LRFN2: variants seen among roughly 807,000 people sequenced by gnomAD.
The protein encoded by LRFN2 is leucine-rich repeat and fibronectin type-III domain-containing protein 2.
A neutral mutation model predicts 37.3 loss-of-function variants in LRFN2; 18 were observed. That is an observed-to-expected ratio of 0.48 (90% CI 0.33 to 0.72). The LOEUF is 0.72. Among genes scored for constraint, LRFN2 ranks in the 30% least tolerant of loss-of-function variants. The probability of loss-of-function intolerance (pLI) is 0.02; values close to 1 mark genes in which losing one functional copy is unlikely to be tolerated. For synonymous variants in LRFN2, 556 were observed against 466.6 expected, an observed-to-expected ratio of 1.19 and a Z score of -2.47; for missense variants, 1,006 against 1,060.7, an observed-to-expected ratio of 0.95 and a Z score of 0.72.
intron 1 of LRFN2, among the ~76,000 whole-genome samples, chr6:40,563,495 G>A (rs1484174868): frequency 6.6e-6 from 1 of 152,182 alleles, no homozygotes; most frequent in Non-Finnish European, 1.5e-5. Context: ...GGGAGCAGTT[G>A]TTTTTAGGGG....
At chr6:40,498,276 A>C (rs1765282287) in intron 1 of LRFN2, among the ~76,000 whole-genome samples, 1 of 152,298 alleles carries the variant, frequency 6.6e-6, no homozygotes, top group South Asian at 2.1e-4. Flanking sequence ...TCTGCCAAAA[A>C]GTCCAGTCTT....
At position 40,581,852 on chromosome 6, in the gene LRFN2, C is replaced by A. The variant is rs150835532; in HGVS notation, c.-19+5089G>T. 1.2e-3 allele frequency among the ~76,000 whole-genome samples: 180 copies of A among 152,216 alleles called. 1 individual carries two copies. The highest frequency in any genetic ancestry group is 4.0e-3 in the African/African-American group (167 of 41,530). ...GGCCACATTTCATATGTTTTGGGGA[C>A]CAGAGAGAGTCATGTAATATCAAGG... On this transcript the variant is annotated intron_variant, in intron 1 of 2. Coordinates refer to ENST00000338305, the MANE Select transcript of LRFN2 (RefSeq NM_020737.3).
At chr6:40,416,326 T>C (rs1393995848) in intron 2 of LRFN2, among the ~76,000 whole-genome samples, 1 of 151,496 alleles carries the variant, frequency 6.6e-6, no homozygotes, top group Non-Finnish European at 1.5e-5. Context: ...TGTAACATTT[T>C]AGCCAGTGGC....
intron 1 of LRFN2, among the ~76,000 whole-genome samples, chr6:40,527,586 AGAAG>A (rs1442636587): frequency 6.6e-6 from 1 of 152,230 alleles, no homozygotes; most frequent in East Asian, 1.9e-4. Context: ...CTGAAATATA[AGAAG>A]GAAGCTAGAT....
chr6:40,510,671 G>A (rs182612983), intron 1 of LRFN2, among the ~76,000 whole-genome samples: 151 of 152,352 alleles, frequency 9.9e-4, no homozygotes, highest in Non-Finnish European at 1.9e-3. Flanking sequence ...ACAGGTCCAT[G>A]ACCAGAATGC....
intron 1 of LRFN2, among the ~76,000 whole-genome samples, chr6:40,583,411 C>T (rs1767442505): frequency 6.6e-6 from 1 of 152,116 alleles, no homozygotes; most frequent in South Asian, 2.1e-4. Flanking sequence ...CTTAACACCC[C>T]TTTTCTCAGA....
At chr6:40,458,436 G>A (rs898528147) in intron 1 of LRFN2, among the ~76,000 whole-genome samples, 6 of 152,198 alleles carry the variant, frequency 3.9e-5, no homozygotes, top group Non-Finnish European at 8.8e-5. Context: ...TCTGAGAACA[G>A]CCATACATGT....
At chr6:40,576,245 A>G (rs78705438) in intron 1 of LRFN2, among the ~76,000 whole-genome samples, 9,114 of 152,282 alleles carry the variant, frequency 0.06, 318 homozygotes, top group African/African-American at 0.065. Context: ...ACAAAGCAGC[A>G]TAAGCCTAAT....
intron 1 of LRFN2, among the ~76,000 whole-genome samples, chr6:40,548,969 C>G (rs1766715935): frequency 6.6e-6 from 1 of 152,168 alleles, no homozygotes; most frequent in Non-Finnish European, 1.5e-5. Flanking sequence ...TTAGATCAAA[C>G]TGGGTTTTTG....
At chr6:40,460,599 T>C (rs1444362981) in intron 1 of LRFN2, among the ~76,000 whole-genome samples, 1 of 152,206 alleles carries the variant, frequency 6.6e-6, no homozygotes, top group Non-Finnish European at 1.5e-5. Flanking sequence ...CAATTACCTC[T>C]AATTGTCTGG....
chr6:40,430,746 G>C (rs1026286091), intron 2 of LRFN2, among the ~76,000 whole-genome samples: 1 of 152,198 alleles, frequency 6.6e-6, no homozygotes, highest in African/African-American at 2.4e-5. Flanking sequence ...TTCACTTCTA[G>C]ATGCAGAGAC....
intron 2 of LRFN2, among the ~76,000 whole-genome samples, chr6:40,395,811 G>A (rs1762603261): frequency 6.6e-6 from 1 of 152,038 alleles, no homozygotes; most frequent in African/African-American, 2.4e-5. Flanking sequence ...TCCCAGGGAG[G>A]CCACCGTCAG....
At chr6:40,421,523 A>T (rs899925096) in intron 2 of LRFN2, among the ~76,000 whole-genome samples, 1 of 152,224 alleles carries the variant, frequency 6.6e-6, no homozygotes, top group Non-Finnish European at 1.5e-5. Context: ...TATCAATAAA[A>T]AGGAGTGTCT....
chr6:40,581,895 C>T (rs967623304), intron 1 of LRFN2, among the ~76,000 whole-genome samples: 2 of 152,164 alleles, frequency 1.3e-5, no homozygotes, highest in African/African-American at 4.8e-5. Flanking sequence ...TACAATTATT[C>T]TGAAGTAGGA....
At chr6:40,418,019 T>A (rs1035900662) in intron 2 of LRFN2, among the ~76,000 whole-genome samples, 1 of 152,026 alleles carries the variant, frequency 6.6e-6, no homozygotes, top group Admixed American at 6.6e-5. Context: ...TACTTTCAAA[T>A]CTCCCCAGCC....
At chr6:40,581,852 C>T (rs150835532) in intron 1 of LRFN2, among the ~76,000 whole-genome samples, 2 of 152,098 alleles carry the variant, frequency 1.3e-5, no homozygotes, top group Non-Finnish European at 2.9e-5. Context: ...GTTTTGGGGA[C>T]CAGAGAGAGT....
chr6:40,520,734 G>C (rs1204407505), intron 1 of LRFN2, among the ~76,000 whole-genome samples: 1 of 152,118 alleles, frequency 6.6e-6, no homozygotes, highest in Non-Finnish European at 1.5e-5. Context: ...GAGGGGTGGA[G>C]AGTTGCCCTA....
At chr6:40,445,336 G>A (rs1468609580) in intron 1 of LRFN2, among the ~76,000 whole-genome samples, 1 of 152,166 alleles carries the variant, frequency 6.6e-6, no homozygotes, top group Non-Finnish European at 1.5e-5. Context: ...ATGACAAAAG[G>A]CAGAGTTGGA....
chr6:40,568,608 G>A (rs1767132130), intron 1 of LRFN2, among the ~76,000 whole-genome samples: 1 of 152,202 alleles, frequency 6.6e-6, no homozygotes, highest in African/African-American at 2.4e-5. Flanking sequence ...AAAGCCTACT[G>A]TATCCTCTGA....
Sources: gnomAD v4.1 joint callset for allele counts (sites outside exome capture counted in the v4.1 genomes callset) on GRCh38, gnomAD v4.1.1 for gene constraint, MANE v1.5 for transcripts, NCBI Gene and HGNC (gene_info 2026-07-23, HGNC 2026-07-21) for gene names.